The following SPTSSA variants were observed in gnomAD, a reference collection of about 807,000 sequenced individuals.
SPTSSA encodes small subunit of serine palmitoyltransferase A.
In SPTSSA, 8 loss-of-function variants were observed where a neutral mutation model predicts 9.1. The observed-to-expected ratio is 0.88, with a 90% CI of 0.51 to 1.58. The LOEUF (loss-of-function observed/expected upper bound fraction) is 1.58, where lower values mean the gene tolerates loss of function less well. Ranked by LOEUF, SPTSSA falls within the 40% of genes most tolerant of loss-of-function variation. SPTSSA has a pLI of 0.00. For missense variants in SPTSSA, 100 were observed against 93.8 expected (o/e 1.07, Z -0.27); for synonymous variants, 42 against 37.7 (o/e 1.11, Z -0.41).
At position 34,435,149 on chromosome 14, in the gene SPTSSA, C is replaced by A. The variant is rs1194538847; in HGVS notation, c.*52G>T. 6.8e-7 allele frequency: 1 copy of A among 1,466,334 alleles called. No individual in the cohort carries two copies. Among genetic ancestry groups the A allele is most frequent in the Non-Finnish European group, 9.5e-7 (1 of 1,055,132 alleles). The allele number at this position is 1,466,334 out of a possible 1,614,324, so 90.8% of individuals were successfully genotyped here. A position where few individuals can be genotyped will look rare whatever the true frequency, so the allele number is the denominator to read the frequency against. ...ATCACATCTGATGGTCTCATTCCAA[C>A]TTCGTAGGGTGGGTCTTCCCCAAGG... On this transcript the variant is annotated 3_prime_UTR_variant, in exon 2 of 2. Transcript: ENST00000298130.
intron 1 of SPTSSA, among the ~76,000 whole-genome samples, chr14:34,441,327 C>CCT (rs1339146616): frequency 6.6e-6 from 1 of 152,166 alleles, no homozygotes; most frequent in Non-Finnish European, 1.5e-5. Context: ...TTTACTTCAT[C>CCT]CTCTCCATCT....
chr14:34,456,550 G>A (rs1878476518), intron 1 of SPTSSA, among the ~76,000 whole-genome samples: 1 of 151,964 alleles, frequency 6.6e-6, no homozygotes, highest in South Asian at 2.1e-4. Context: ...GCAAAGAGAT[G>A]GGCAAATATA....
At chr14:34,453,999 G>A (rs1407804960) in intron 1 of SPTSSA, among the ~76,000 whole-genome samples, 1 of 152,000 alleles carries the variant, frequency 6.6e-6, no homozygotes, top group African/African-American at 2.4e-5. Context: ...AGGCAACCTA[G>A]TGAGACCCTG....
In SPTSSA at chr14:34,462,038, C is replaced by A. The variant is rs973995828; in HGVS notation, c.112+58G>T. ...CCCAGGCCCGGGGCCTGGGGAAATG[C>A]GGCCCCGCGGCCCGCGCCCCCAGCC... is the stretch of plus-strand genomic sequence containing the variant. On this transcript the variant is annotated intron_variant, in intron 1 of 1. Coordinates refer to ENST00000298130, the MANE Select transcript of SPTSSA (RefSeq NM_138288.4). 2.1e-5 allele frequency: 25 copies of A among 1,178,222 alleles called. No homozygotes were observed. In the Admixed American group the frequency reaches 4.6e-4, roughly 22 times the overall value. 73.0% of individuals were successfully genotyped at this position (1,178,222 alleles called of 1,614,324 possible).
At chr14:34,436,740 T>C (rs2138815852) in intron 1 of SPTSSA, among the ~76,000 whole-genome samples, 1 of 152,308 alleles carries the variant, frequency 6.6e-6, no homozygotes, top group South Asian at 2.1e-4. Flanking sequence ...GAGTAGCTTG[T>C]TCAGGGCCAT....
chr14:34,455,125 C>T (rs749261600), intron 1 of SPTSSA, among the ~76,000 whole-genome samples: 5 of 151,724 alleles, frequency 3.3e-5, no homozygotes, highest in Non-Finnish European at 5.9e-5. Flanking sequence ...AGGTGGCTCA[C>T]ACCTGTAATC....
At chr14:34,459,508 T>C (rs945070427) in intron 1 of SPTSSA, among the ~76,000 whole-genome samples, 3 of 149,128 alleles carry the variant, frequency 2.0e-5, no homozygotes, top group Non-Finnish European at 4.4e-5. Context: ...TGGCCAGGCG[T>C]GGTAGCTCAT....
At chr14:34,437,267 T>C (rs1211011467) in intron 1 of SPTSSA, among the ~76,000 whole-genome samples, 1 of 152,180 alleles carries the variant, frequency 6.6e-6, no homozygotes, top group Non-Finnish European at 1.5e-5. Flanking sequence ...AAAACAATCC[T>C]TTCCACTCTT....
chr14:34,452,038 C>T (rs1181817020), intron 1 of SPTSSA, among the ~76,000 whole-genome samples: 5 of 151,908 alleles, frequency 3.3e-5, no homozygotes, highest in African/African-American at 1.2e-4. Context: ...AATCCCATGC[C>T]AGCACTTTGG....
intron 1 of SPTSSA, among the ~76,000 whole-genome samples, chr14:34,441,657 A>ACT (rs142169829): frequency 4.4e-4 from 62 of 142,342 alleles, no homozygotes; most frequent in African/African-American, 1.3e-3. Flanking sequence ...CATACAGGGG[A>ACT]CTCTCTCTCT....
intron 1 of SPTSSA, among the ~76,000 whole-genome samples, chr14:34,442,439 C>T (rs1443803992): frequency 1.3e-5 from 2 of 152,180 alleles, no homozygotes; most frequent in African/African-American, 4.8e-5. Flanking sequence ...GGCACCGGTG[C>T]CCACCTAAGG....
intron 1 of SPTSSA, 112 bp from the exon 2 acceptor site, chr14:34,435,416 T>C: frequency 4.5e-6 from 3 of 661,254 alleles, no homozygotes; most frequent in Middle Eastern, 3.0e-4. Context: ...TGCTTTCTCA[T>C]TTATATCAAG....
chr14:34,447,689 G>A (rs988867842), intron 1 of SPTSSA, among the ~76,000 whole-genome samples: 5 of 152,108 alleles, frequency 3.3e-5, no homozygotes, highest in African/African-American at 9.7e-5. Context: ...CATGCACTGG[G>A]CCCCAACAGA....
chr14:34,458,638 A>T (rs1270228095), intron 1 of SPTSSA, among the ~76,000 whole-genome samples: 3 of 141,612 alleles, frequency 2.1e-5, no homozygotes, highest in Non-Finnish European at 4.6e-5. Flanking sequence ...CTGGGACTAC[A>T]GTCGTGCGCC....
intron 1 of SPTSSA, among the ~76,000 whole-genome samples, chr14:34,451,710 T>A (rs1235842982): frequency 7.4e-6 from 1 of 135,634 alleles, no homozygotes; most frequent in Non-Finnish European, 1.5e-5. Context: ...AGAACGAGAC[T>A]CTGTTTCAAA....
intron 1 of SPTSSA, 107 bp downstream of exon 1, chr14:34,461,989 C>T: frequency 1.3e-6 from 1 of 766,220 alleles, no homozygotes; most frequent in Non-Finnish European, 1.7e-6. Context: ...ACAGGACCGG[C>T]GGGGCCGCCG....
intron 1 of SPTSSA, among the ~76,000 whole-genome samples, chr14:34,438,351 G>T (rs1373005290): frequency 6.6e-6 from 1 of 151,988 alleles, no homozygotes; most frequent in Admixed American, 6.6e-5. Context: ...ACCTAATCCA[G>T]TATCAAAAAT....
At chr14:34,450,531 A>G (rs981322583) in intron 1 of SPTSSA, among the ~76,000 whole-genome samples, 4 of 152,262 alleles carry the variant, frequency 2.6e-5, no homozygotes, top group African/African-American at 4.8e-5. Flanking sequence ...TGTTGTTTGC[A>G]TAAGTGCCAG....
chr14:34,443,934 G>C (rs1883376387), intron 1 of SPTSSA, among the ~76,000 whole-genome samples: 1 of 152,110 alleles, frequency 6.6e-6, no homozygotes, highest in Non-Finnish European at 1.5e-5. Flanking sequence ...CTTAATTCAT[G>C]GTAATGTGTT....
Sources: allele counts gnomAD v4.1 joint callset (sites outside exome capture counted in the v4.1 genomes callset), GRCh38; gene constraint gnomAD v4.1.1; transcripts MANE v1.5; gene names NCBI Gene and HGNC (gene_info 2026-07-23, HGNC 2026-07-21).